Variants in LRMDA observed in about 807,000 individuals in gnomAD.
LRMDA encodes the protein leucine rich melanocyte differentiation associated.
In LRMDA, 18 loss-of-function variants were observed where a neutral mutation model predicts 29.8. The ratio of observed to expected loss-of-function variants is 0.60; its 90% CI spans 0.42 to 0.90. The LOEUF (loss-of-function observed/expected upper bound fraction) is 0.90, where lower values mean the gene tolerates loss of function less well. Among genes scored for constraint, LRMDA ranks in the 40% least tolerant of loss-of-function variants. The pLI is 0.00. For synonymous variants in LRMDA, 125 were observed against 109.4 expected (o/e 1.14, Z -0.89); for missense variants, 273 against 273.9 (o/e 1.00, Z 0.02).
chr10:75,772,099 C>T, intron 2 of LRMDA, among the ~76,000 whole-genome samples: 1 of 152,190 alleles, frequency 6.6e-6, no homozygotes, highest in East Asian at 1.9e-4. Flanking sequence ...GTAGCTGCAG[C>T]TATGCTCTAA....
chr10:76,296,485 C>T (rs1037377351), intron 5 of LRMDA, among the ~76,000 whole-genome samples: 3 of 152,204 alleles, frequency 2.0e-5, no homozygotes, highest in African/African-American at 7.2e-5. Context: ...CCAAACCCAA[C>T]TATTTAATGT....
chr10:75,494,515 C>CTTTTTTTTTT (rs34902194), intron 2 of LRMDA, among the ~76,000 whole-genome samples: 6 of 102,864 alleles, frequency 5.8e-5, no homozygotes, highest in Admixed American at 1.3e-4. Context: ...ATGTTTGTTC[C>CTTTTTTTTTT]TTTTTTTTTT....
intron 2 of LRMDA, among the ~76,000 whole-genome samples, chr10:75,823,491 T>G (rs1215649071): frequency 1.3e-5 from 2 of 152,108 alleles, no homozygotes; most frequent in African/African-American, 4.8e-5. Flanking sequence ...TAATATGCAG[T>G]AAAGGGAATT....
intron 5 of LRMDA, among the ~76,000 whole-genome samples, chr10:76,312,703 T>G (rs543934287): frequency 6.6e-6 from 1 of 152,028 alleles, no homozygotes; most frequent in Admixed American, 6.5e-5. Context: ...TGCAGTGAAT[T>G]GATGGATGAA....
chr10:76,287,476 CT>C (rs1172776408), intron 5 of LRMDA, among the ~76,000 whole-genome samples: 1 of 152,048 alleles, frequency 6.6e-6, no homozygotes, highest in Non-Finnish European at 1.5e-5. Flanking sequence ...CTTAATCTAA[CT>C]TGACTCTAAG....
intron 5 of LRMDA, among the ~76,000 whole-genome samples, chr10:76,117,786 T>C (rs538808602): frequency 6.6e-6 from 1 of 152,330 alleles, no homozygotes; most frequent in East Asian, 1.9e-4. Flanking sequence ...TACTTAGCCT[T>C]TACTGTAGTA....
chr10:75,641,973 T>A (rs1322074071), intron 2 of LRMDA, among the ~76,000 whole-genome samples: 1 of 152,138 alleles, frequency 6.6e-6, no homozygotes, highest in Non-Finnish European at 1.5e-5. Flanking sequence ...GCAGAGAAAG[T>A]GTATTGTACT....
intron 5 of LRMDA, among the ~76,000 whole-genome samples, chr10:76,232,641 C>T (rs1452920882): frequency 6.6e-6 from 1 of 152,222 alleles, no homozygotes; most frequent in Non-Finnish European, 1.5e-5. Context: ...GAGATGGCCT[C>T]TACCTGCTGT....
intron 2 of LRMDA, among the ~76,000 whole-genome samples, chr10:75,508,093 C>A (rs76064960): frequency 6.6e-6 from 1 of 152,182 alleles, no homozygotes; most frequent in African/African-American, 2.4e-5. Flanking sequence ...GCTGCCTGTT[C>A]AGTTCTTCTG....
intron 2 of LRMDA, among the ~76,000 whole-genome samples, chr10:75,635,460 T>G (rs1415651178): frequency 6.6e-6 from 1 of 152,152 alleles, no homozygotes; most frequent in East Asian, 1.9e-4. Flanking sequence ...AGTCTTTCAG[T>G]TTTTGGAGAA....
chr10:76,238,115 T>G (rs1394126876), intron 5 of LRMDA, among the ~76,000 whole-genome samples: 1 of 152,082 alleles, frequency 6.6e-6, no homozygotes, highest in African/African-American at 2.4e-5. Context: ...ATTATGTGTC[T>G]CCTCTACGCG....
chr10:75,624,828 A>T (rs763660339), intron 2 of LRMDA, among the ~76,000 whole-genome samples: 15 of 152,182 alleles, frequency 9.9e-5, no homozygotes, highest in Non-Finnish European at 1.6e-4. Context: ...AGTTCAGTGG[A>T]GTAATAATGC....
At chr10:75,733,317 T>C (rs1842721574) in intron 2 of LRMDA, among the ~76,000 whole-genome samples, 1 of 152,220 alleles carries the variant, frequency 6.6e-6, no homozygotes, top group African/African-American at 2.4e-5. Context: ...TTCCTGTGTT[T>C]TACCATCCAA....
chr10:75,477,304 C>A (rs1844807201), intron 2 of LRMDA, among the ~76,000 whole-genome samples: 2 of 152,086 alleles, frequency 1.3e-5, no homozygotes, highest in African/African-American at 4.8e-5. Context: ...ACCCTAATAA[C>A]CTCATTTTAA....
intron 3 of LRMDA, among the ~76,000 whole-genome samples, chr10:76,041,827 C>T (rs770686098): frequency 2.5e-4 from 38 of 152,250 alleles, no homozygotes; most frequent in African/African-American, 5.3e-4. Context: ...CTAAGTACCC[C>T]GGAGAAGACT....
chr10:75,929,359 T>C (rs1005431872), intron 2 of LRMDA, among the ~76,000 whole-genome samples: 1 of 152,118 alleles, frequency 6.6e-6, no homozygotes, highest in African/African-American at 2.4e-5. Context: ...CATGTACAAA[T>C]CGGTTTCTTA....
chr10:75,740,270 G>A (rs1842813837), intron 2 of LRMDA, among the ~76,000 whole-genome samples: 1 of 152,242 alleles, frequency 6.6e-6, no homozygotes, highest in Non-Finnish European at 1.5e-5. Flanking sequence ...ACCGACGGGA[G>A]CTGGAGGCTG....
At chr10:75,921,371 T>G (rs1230424362) in intron 2 of LRMDA, among the ~76,000 whole-genome samples, 1 of 152,188 alleles carries the variant, frequency 6.6e-6, no homozygotes, top group African/African-American at 2.4e-5. Context: ...GATCAGTAAG[T>G]GCAGAATGTC....
At chr10:76,430,882 T>A (rs1842183662) in intron 6 of LRMDA, among the ~76,000 whole-genome samples, 1 of 152,304 alleles carries the variant, frequency 6.6e-6, no homozygotes, top group Non-Finnish European at 1.5e-5. Context: ...GCTTTCTGAG[T>A]ATTTTTTCCA....
Sources: gnomAD v4.1 joint callset for allele counts (sites outside exome capture counted in the v4.1 genomes callset) on GRCh38, gnomAD v4.1.1 for gene constraint, MANE v1.5 for transcripts, NCBI Gene and HGNC (gene_info 2026-07-23, HGNC 2026-07-21) for gene names.